CADM1: variants seen among roughly 807,000 people sequenced by gnomAD.
CADM1 encodes the protein cell adhesion molecule 1.
Under a neutral mutation model 53.1 loss-of-function variants are expected in CADM1, and 15 were observed. The observed-to-expected ratio is 0.28, with a 90% CI of 0.19 to 0.44. CADM1 has a LOEUF of 0.44. Ranked by LOEUF, CADM1 falls within the 20% of genes least tolerant of loss-of-function variation. The pLI is 1.00. For missense variants in CADM1, 434 were observed against 611.3 expected, an observed-to-expected ratio of 0.71 and a Z score of 3.06; for synonymous variants, 281 against 243.0, an observed-to-expected ratio of 1.16 and a Z score of -1.45.
intron 1 of CADM1, among the ~76,000 whole-genome samples, chr11:115,444,987 T>G (rs1407755401): frequency 6.6e-6 from 1 of 152,202 alleles, no homozygotes; most frequent in Non-Finnish European, 1.5e-5. Context: ...AGGGGACTAA[T>G]GACTATAACA....
chr11:115,334,735 A>C (rs1006940705), intron 1 of CADM1, among the ~76,000 whole-genome samples: 1 of 152,106 alleles, frequency 6.6e-6, no homozygotes, highest in African/African-American at 2.4e-5. Flanking sequence ...TATCACCACA[A>C]ACATTTATCA....
chr11:115,503,451 A>C (rs1236563505), intron 1 of CADM1, among the ~76,000 whole-genome samples: 1 of 152,128 alleles, frequency 6.6e-6, no homozygotes, highest in East Asian at 1.9e-4. Flanking sequence ...CGGGCCGCCG[A>C]AAGAACGGGC....
chr11:115,363,642 T>TG (rs1160891770), intron 1 of CADM1: 2 of 152,234 alleles, frequency 1.3e-5, no homozygotes, highest in African/African-American at 2.4e-5. Context: ...CACTGATCAT[T>TG]GCATCAGTTC....
chr11:115,351,100 C>T (rs1216192068), intron 1 of CADM1, among the ~76,000 whole-genome samples: 1 of 149,112 alleles, frequency 6.7e-6, no homozygotes, highest in Non-Finnish European at 1.5e-5. Flanking sequence ...GAAAGGTTGG[C>T]AGATAGACAT....
chr11:115,220,863 T>C (rs1241363062), intron 5 of CADM1, among the ~76,000 whole-genome samples: 2 of 152,308 alleles, frequency 1.3e-5, no homozygotes, highest in Admixed American at 6.5e-5. Context: ...AAATTTTCCA[T>C]TGAAGAGCCT....
chr11:115,178,801 G>C (rs1196084534), intron 10 of CADM1, 26 bp from the exon 11 acceptor site: 1 of 1,613,400 alleles, frequency 6.2e-7, no homozygotes, highest in Non-Finnish European at 8.5e-7. Flanking sequence ...GAGGAATAGG[G>C]ATGTAGAGCT....
chr11:115,470,853 A>T (rs911442847), intron 1 of CADM1, among the ~76,000 whole-genome samples: 1 of 152,120 alleles, frequency 6.6e-6, no homozygotes, highest in Non-Finnish European at 1.5e-5. Context: ...GTATTATCCC[A>T]ATTTTTTATC....
chr11:115,381,110 G>A (rs1224610361), intron 1 of CADM1, among the ~76,000 whole-genome samples: 1 of 151,662 alleles, frequency 6.6e-6, no homozygotes, highest in Non-Finnish European at 1.5e-5. Context: ...GCCTGGCCAA[G>A]GTGGTGAAAC....
chr11:115,408,383 A>G (rs1012499521), intron 1 of CADM1, among the ~76,000 whole-genome samples: 1 of 152,178 alleles, frequency 6.6e-6, no homozygotes, highest in Non-Finnish European at 1.5e-5. Flanking sequence ...ATCAGTTTAA[A>G]TCCCTGCACA....
intron 1 of CADM1, among the ~76,000 whole-genome samples, chr11:115,259,535 A>G (rs1942904565): frequency 6.6e-6 from 1 of 151,728 alleles, no homozygotes; most frequent in Admixed American, 6.5e-5. Context: ...CAAACTCCTG[A>G]GCTCAGGTGA....
At chr11:115,463,125 T>C (rs905763096) in intron 1 of CADM1, among the ~76,000 whole-genome samples, 6 of 152,178 alleles carry the variant, frequency 3.9e-5, no homozygotes, top group Non-Finnish European at 7.4e-5. Context: ...AAAAAATGCA[T>C]GCAAAATATT....
intron 5 of CADM1, among the ~76,000 whole-genome samples, chr11:115,223,973 A>AAAGAGAGAGAGAG (rs59495248): frequency 1.3e-4 from 12 of 92,480 alleles, no homozygotes; most frequent in Admixed American, 2.5e-4. Flanking sequence ...AAAAAAAAAA[A>AAAGAGAGAGAGAG]AGAGAGAGAG....
intron 1 of CADM1, among the ~76,000 whole-genome samples, chr11:115,374,157 A>C (rs1226125567): frequency 6.6e-6 from 1 of 152,124 alleles, no homozygotes; most frequent in Non-Finnish European, 1.5e-5. Context: ...CAAAACAAAA[A>C]ACCTTCTAAG....
chr11:115,202,510 T>C (rs985641446), intron 8 of CADM1, among the ~76,000 whole-genome samples: 2 of 152,176 alleles, frequency 1.3e-5, no homozygotes, highest in African/African-American at 2.4e-5. Context: ...TAGGGTGTGT[T>C]TGAGTAAGGT....
At chr11:115,424,536 G>A (rs1419245071) in intron 1 of CADM1, among the ~76,000 whole-genome samples, 2 of 151,862 alleles carry the variant, frequency 1.3e-5, no homozygotes, top group Non-Finnish European at 2.9e-5. Context: ...TTTGTTTTTT[G>A]GGTTTTTTTG....
At chr11:115,217,448 A>G (rs1401171632) in intron 6 of CADM1, among the ~76,000 whole-genome samples, 1 of 152,202 alleles carries the variant, frequency 6.6e-6, no homozygotes, top group Non-Finnish European at 1.5e-5. Flanking sequence ...AAGATGCAAA[A>G]TTAAAGGTAG....
At chr11:115,480,338 C>G (rs1047529609) in intron 1 of CADM1, among the ~76,000 whole-genome samples, 3 of 152,132 alleles carry the variant, frequency 2.0e-5, no homozygotes, top group Admixed American at 1.3e-4. Context: ...TAATCCTTAT[C>G]AAGGAGGTAG....
chr11:115,294,297 G>A (rs1943988923), intron 1 of CADM1, among the ~76,000 whole-genome samples: 1 of 152,122 alleles, frequency 6.6e-6, no homozygotes, highest in South Asian at 2.1e-4. Context: ...CTGTTCTCCA[G>A]TGGTGGTGTG....
intron 1 of CADM1, among the ~76,000 whole-genome samples, chr11:115,286,241 A>G (rs1419065244): frequency 6.6e-6 from 1 of 152,202 alleles, no homozygotes; most frequent in Non-Finnish European, 1.5e-5. Context: ...AATCTGTAGC[A>G]CCCATTATCA....
Sources: allele counts gnomAD v4.1 joint callset (sites outside exome capture counted in the v4.1 genomes callset), GRCh38; gene constraint gnomAD v4.1.1; transcripts MANE v1.5; gene names NCBI Gene and HGNC (gene_info 2026-07-23, HGNC 2026-07-21).